Variants in CPAP observed in about 807,000 individuals in gnomAD.
CPAP encodes the protein centrosome assembly and centriole elongation protein.
chr13:24,922,363 G>GA, the CPAP span, among the ~76,000 whole-genome samples: 1 of 152,266 alleles, frequency 6.6e-6, no homozygotes, highest in Non-Finnish European at 1.5e-5. Context: ...GAATCCACAC[G>GA]AAGCTTCAAG....
chr13:24,889,857 C>T, the CPAP span, among the ~76,000 whole-genome samples: 1 of 151,978 alleles, frequency 6.6e-6, no homozygotes, highest in African/African-American at 2.4e-5. Flanking sequence ...ACCTCCATTT[C>T]TGGCCAAATC....
the CPAP span, chr13:24,905,231 T>C: frequency 1.0e-6 from 1 of 986,930 alleles, no homozygotes; most frequent in Non-Finnish European, 1.6e-6. Flanking sequence ...CCCATTAATT[T>C]GACTTAATTC....
At chr13:24,887,899 A>G in the CPAP span, among the ~76,000 whole-genome samples, 5 of 152,152 alleles carry the variant, frequency 3.3e-5, no homozygotes, top group South Asian at 8.3e-4. Flanking sequence ...TCTGTCTCCA[A>G]AAACCACAGT....
the CPAP span, chr13:24,886,511 G>A: frequency 2.1e-6 from 1 of 484,874 alleles, no homozygotes; most frequent in African/African-American, 2.0e-5. Context: ...ACATCAGAGG[G>A]ATCAGTCTAG....
the CPAP span, chr13:24,882,885 TAGCCA>T: frequency 5.2e-6 from 2 of 386,084 alleles, no homozygotes; most frequent in South Asian, 2.5e-5. Flanking sequence ...TTTTTTTTTA[TAGCCA>T]TTTCTAACCA....
chr13:24,928,538 C>G, the CPAP span, among the ~76,000 whole-genome samples: 1 of 152,200 alleles, frequency 6.6e-6, no homozygotes, highest in South Asian at 2.1e-4. Flanking sequence ...TCAAGTGATT[C>G]TCCTGCCTCA....
the CPAP span, chr13:24,892,901 TTAC>T: frequency 5.1e-6 from 7 of 1,369,898 alleles, no homozygotes; most frequent in African/African-American, 2.9e-5. Context: ...GAAAAAACCA[TTAC>T]TACATTACCA....
chr13:24,919,159 T>C, the CPAP span, among the ~76,000 whole-genome samples: 1 of 152,188 alleles, frequency 6.6e-6, no homozygotes, highest in African/African-American at 2.4e-5. Context: ...GATATTTTAA[T>C]TAAAAGGTTA....
the CPAP span, among the ~76,000 whole-genome samples, chr13:24,930,340 G>A: frequency 6.6e-6 from 1 of 151,876 alleles, no homozygotes; most frequent in South Asian, 2.1e-4. Context: ...TAGATTCAGA[G>A]GGTACATGTG....
At chr13:24,919,913 G>A in the CPAP span, among the ~76,000 whole-genome samples, 20,743 of 151,924 alleles carry the variant, frequency 0.14, 1,606 homozygotes, top group East Asian at 0.32. Context: ...ACAGGTATGT[G>A]TCACCATGCC....
chr13:24,907,395 T>A, the CPAP span, among the ~76,000 whole-genome samples: 1 of 152,200 alleles, frequency 6.6e-6, no homozygotes, highest in Admixed American at 6.5e-5. Context: ...TTCACATGAC[T>A]TTGGAGTCCT....
At chr13:24,883,927 CTGAG>C in the CPAP span, 24 of 1,613,738 alleles carry the variant, frequency 1.5e-5, no homozygotes, top group Non-Finnish European at 1.9e-5. Flanking sequence ...AGGTGTCACA[CTGAG>C]TGGTTTTTCT....
At chr13:24,907,189 T>C in the CPAP span, 11 of 1,606,670 alleles carry the variant, frequency 6.8e-6, no homozygotes, top group Non-Finnish European at 8.5e-6. Context: ...GCAGCTTTAA[T>C]GGGCCTAATT....
the CPAP span, among the ~76,000 whole-genome samples, chr13:24,901,506 TA>T: frequency 6.6e-6 from 1 of 152,158 alleles, no homozygotes; most frequent in Non-Finnish European, 1.5e-5. Flanking sequence ...CACAAGGAAG[TA>T]GATTTTTAAA....
At chr13:24,893,923 G>A in the CPAP span, among the ~76,000 whole-genome samples, 1 of 152,156 alleles carries the variant, frequency 6.6e-6, no homozygotes, top group African/African-American at 2.4e-5. Flanking sequence ...AGGGTGATGG[G>A]AGAGTGGCTG....
At chr13:24,919,907 G>A in the CPAP span, among the ~76,000 whole-genome samples, 1 of 152,104 alleles carries the variant, frequency 6.6e-6, no homozygotes, top group Non-Finnish European at 1.5e-5. Flanking sequence ...GGGCCTACAG[G>A]TATGTGTCAC....
chr13:24,882,806 A>G, the CPAP span: 1 of 253,558 alleles, frequency 3.9e-6, no homozygotes, highest in Non-Finnish European at 7.7e-6. Context: ...CACCTTCTGT[A>G]CAAGTCCAGT....
At chr13:24,905,505 C>T in the CPAP span, 1 of 1,614,088 alleles carries the variant, frequency 6.2e-7, no homozygotes, top group African/African-American at 1.3e-5. Flanking sequence ...CCCCTCTTGA[C>T]TGGTGCAATC....
chr13:24,914,315 C>T, the CPAP span, among the ~76,000 whole-genome samples: 18 of 152,152 alleles, frequency 1.2e-4, no homozygotes, highest in African/African-American at 4.1e-4. Context: ...CAGAAACCCC[C>T]AGTTCTCAAA....
Sources: gnomAD v4.1 joint callset for allele counts (sites outside exome capture counted in the v4.1 genomes callset) on GRCh38, gnomAD v4.1.1 for gene constraint, MANE v1.5 for transcripts, NCBI Gene and HGNC (gene_info 2026-07-23, HGNC 2026-07-21) for gene names.